The following SORCS3 variants were observed in gnomAD, a reference collection of about 807,000 sequenced individuals.
SORCS3 encodes sortilin related VPS10 domain containing receptor 3.
SORCS3 carries 57 observed loss-of-function variants against 146.3 expected under a neutral mutation model. The ratio of observed to expected loss-of-function variants is 0.39; its 90% CI spans 0.31 to 0.49. The LOEUF is 0.49. Among genes scored for constraint, SORCS3 ranks in the 20% least tolerant of loss-of-function variants. The pLI is 0.92. For missense variants in SORCS3, 1,341 were observed against 1,575.5 expected, an observed-to-expected ratio of 0.85 and a Z score of 2.52; for synonymous variants, 653 against 618.5, an observed-to-expected ratio of 1.06 and a Z score of -0.83.
Position 105,028,700 on chromosome 10 carries a change from G to A in SORCS3, c.955-14355G>A, listed in dbSNP as rs891504149. The stretch of plus-strand genomic sequence containing the variant: ...ATCAAACGTCCTCCACAGGGTGGTC[G>A]TGGGGATTAACTGGGATGATGCAAC... On this transcript the variant is annotated intron_variant, in intron 4 of 26. Transcript: ENST00000369701. 4.6e-5 allele frequency among the ~76,000 whole-genome samples: 7 copies of A among 152,186 alleles called. No homozygotes were observed. The South Asian group carries it at 8.3e-4, about 18-fold the overall frequency.
At chr10:105,078,930 C>G (rs1204243795) in intron 5 of SORCS3, among the ~76,000 whole-genome samples, 1 of 150,936 alleles carries the variant, frequency 6.6e-6, no homozygotes, top group Non-Finnish European at 1.5e-5. Flanking sequence ...TGAAAAGGAG[C>G]ACCTGTTACA....
At chr10:105,168,548 G>A (rs533110899) in intron 13 of SORCS3, among the ~76,000 whole-genome samples, 2 of 152,252 alleles carry the variant, frequency 1.3e-5, no homozygotes, top group East Asian at 3.9e-4. Context: ...GGGCAGCAAG[G>A]TGGACCCTAG....
intron 4 of SORCS3, among the ~76,000 whole-genome samples, chr10:105,014,746 C>T (rs997296390): frequency 3.9e-5 from 6 of 152,086 alleles, no homozygotes; most frequent in Non-Finnish European, 5.9e-5. Context: ...GAGGTGGGAC[C>T]TTTGGAAAGT....
At chr10:105,135,444 A>G (rs897994494) in intron 7 of SORCS3, among the ~76,000 whole-genome samples, 6 of 152,134 alleles carry the variant, frequency 3.9e-5, no homozygotes, top group Non-Finnish European at 8.8e-5. Context: ...TCTGGTGAGT[A>G]GCATCTGGCT....
At chr10:104,854,598 G>A (rs1379289699) in intron 2 of SORCS3, among the ~76,000 whole-genome samples, 1 of 152,052 alleles carries the variant, frequency 6.6e-6, no homozygotes, top group East Asian at 1.9e-4. Context: ...GTGTGAGTTT[G>A]TGTGGGGGTG....
At chr10:104,653,363 C>T (rs1222302829) in intron 1 of SORCS3, among the ~76,000 whole-genome samples, 1 of 152,036 alleles carries the variant, frequency 6.6e-6, no homozygotes, top group Admixed American at 6.6e-5. Context: ...GTACTGATTT[C>T]TTTCTTTCTA....
At chr10:104,656,864 TAAG>T (rs746062895) in intron 1 of SORCS3, among the ~76,000 whole-genome samples, 1 of 152,120 alleles carries the variant, frequency 6.6e-6, no homozygotes, top group Admixed American at 6.5e-5. Context: ...TGGGGGTAGA[TAAG>T]AAGGAGTCCA....
chr10:104,829,069 C>A (rs1485370713), intron 1 of SORCS3, among the ~76,000 whole-genome samples: 1 of 152,226 alleles, frequency 6.6e-6, no homozygotes. Flanking sequence ...GATTCATCGT[C>A]TCCTCCTTTG....
At chr10:104,719,094 T>A (rs187029850) in intron 1 of SORCS3, among the ~76,000 whole-genome samples, 663 of 152,254 alleles carry the variant, frequency 4.4e-3, no homozygotes, top group Non-Finnish European at 7.0e-3. Context: ...AATATTAATT[T>A]TATATATATT....
chr10:104,641,358 G>T lies in SORCS3; in HGVS notation c.31G>T (p.Gly11Cys), dbSNP rs2015411383. 3 of 1,386,944 alleles carry T rather than the reference G, an allele frequency of 2.2e-6. No homozygotes were observed. Among genetic ancestry groups the T allele is most frequent in the Non-Finnish European group, 2.8e-6 (3 of 1,074,490 alleles). 85.9% of individuals were successfully genotyped at this position (1,386,944 alleles called of 1,614,324 possible). A position where few individuals can be genotyped will look rare whatever the true frequency, so the allele number is the denominator to read the frequency against. The change falls in exon 1 of 27, where the codon GGC becomes TGC. Residue 11 changes from glycine to cysteine, a missense_variant. Transcript: ENST00000369701. The surrounding 1 kb of genome is among the most constrained non-coding windows in gnomAD (Gnocchi z 6.4). ...GGCGGCGCGCACGGAGCGCCCCGCA[G>T]GCAGGCCGGGGGCGCCGCTTGTCCG... MEAARTERPA[G>C]RPGAPLVRTG...
chr10:105,149,770 T>G (rs791140), intron 9 of SORCS3, among the ~76,000 whole-genome samples: 73,082 of 151,856 alleles, frequency 0.48, 18,110 homozygotes, highest in Non-Finnish European at 0.53. Flanking sequence ...CCACTATGCT[T>G]CTCTTATTCT....
intron 1 of SORCS3, among the ~76,000 whole-genome samples, chr10:104,767,591 T>G (rs2017195224): frequency 7.5e-6 from 1 of 133,802 alleles, no homozygotes; most frequent in African/African-American, 2.7e-5. Flanking sequence ...TTGCTCCTTG[T>G]TTTTATTCCT....
chr10:104,907,579 C>G (rs1196477845), intron 2 of SORCS3, among the ~76,000 whole-genome samples: 2 of 152,230 alleles, frequency 1.3e-5, no homozygotes, highest in East Asian at 3.8e-4. Context: ...TTCTGCATGA[C>G]TGGTCTCCAA....
intron 14 of SORCS3, among the ~76,000 whole-genome samples, chr10:105,188,277 G>A (rs1439111911): frequency 6.6e-6 from 1 of 151,910 alleles, no homozygotes; most frequent in Non-Finnish European, 1.5e-5. Context: ...TGATGAGAGT[G>A]CATTATTTTT....
At chr10:104,889,553 T>C (rs1339456147) in intron 2 of SORCS3, among the ~76,000 whole-genome samples, 2 of 151,846 alleles carry the variant, frequency 1.3e-5, no homozygotes, top group Non-Finnish European at 2.9e-5. Flanking sequence ...GGGTTTATAG[T>C]ACACATCTTT....
chr10:105,095,865 T>C (rs2055742264), intron 6 of SORCS3, among the ~76,000 whole-genome samples: 1 of 152,094 alleles, frequency 6.6e-6, no homozygotes, highest in Non-Finnish European at 1.5e-5. Flanking sequence ...AATTAATGAT[T>C]TATTTATTCA....
intron 9 of SORCS3, among the ~76,000 whole-genome samples, chr10:105,149,618 A>G (rs957307967): frequency 2.0e-5 from 3 of 152,120 alleles, no homozygotes; most frequent in Admixed American, 1.3e-4. Context: ...TCCTGTTTGT[A>G]CAAGTAAAGC....
chr10:104,786,789 C>G (rs2017442685), intron 1 of SORCS3, among the ~76,000 whole-genome samples: 2 of 152,014 alleles, frequency 1.3e-5, no homozygotes, highest in South Asian at 4.1e-4. Flanking sequence ...TGTGCAGGAT[C>G]AGGCAGAGTT....
intron 3 of SORCS3, among the ~76,000 whole-genome samples, chr10:104,918,925 G>A (rs1378927783): frequency 1.3e-5 from 2 of 152,306 alleles, no homozygotes; most frequent in Non-Finnish European, 2.9e-5. Context: ...GAATTCATCT[G>A]TCATGTATGT....
Sources: allele counts gnomAD v4.1 joint callset (sites outside exome capture counted in the v4.1 genomes callset), GRCh38; gene constraint gnomAD v4.1.1; non-coding constraint Gnocchi (gnomAD v3.1); transcripts MANE v1.5; gene names NCBI Gene and HGNC (gene_info 2026-07-23, HGNC 2026-07-21).